ELOVL6: variants seen among roughly 807,000 people sequenced by gnomAD.
The protein encoded by ELOVL6 is ELOVL fatty acid elongase 6.
Under a neutral mutation model 31.7 loss-of-function variants are expected in ELOVL6, and 8 were observed. That is an observed-to-expected ratio of 0.25 (90% confidence interval 0.15 to 0.45). ELOVL6 has a LOEUF of 0.45. Among genes scored for constraint, ELOVL6 ranks in the 20% least tolerant of loss-of-function variants. The probability of loss-of-function intolerance (pLI) is 1.00; values close to 1 mark genes in which losing one functional copy is unlikely to be tolerated. For synonymous variants in ELOVL6, 101 were observed against 117.7 expected, an observed-to-expected ratio of 0.86 and a Z score of 0.92; for missense variants, 126 against 326.4, an observed-to-expected ratio of 0.39 and a Z score of 4.73.
At chr4:110,067,249 T>A (rs932772916) in intron 2 of ELOVL6, among the ~76,000 whole-genome samples, 6 of 152,230 alleles carry the variant, frequency 3.9e-5, no homozygotes, top group African/African-American at 1.4e-4. Context: ...TTTATCTTGC[T>A]TGAAATCTTA....
chr4:110,084,589 T>TATATATATATATATA (rs1491219333), intron 2 of ELOVL6, among the ~76,000 whole-genome samples: 1 of 25,662 alleles, frequency 3.9e-5, no homozygotes, highest in African/African-American at 2.5e-4. Flanking sequence ...TATATATATA[T>TATATATATATATATA]TTTTTTTTTT....
At chr4:110,081,148 G>A (rs1391012806) in intron 2 of ELOVL6, among the ~76,000 whole-genome samples, 9 of 151,818 alleles carry the variant, frequency 5.9e-5, no homozygotes, top group Non-Finnish European at 1.0e-4. Flanking sequence ...AATCAATATC[G>A]TGAAAATGGC....
chr4:110,179,362 T>A (rs1038836304), intron 1 of ELOVL6, among the ~76,000 whole-genome samples: 1 of 151,718 alleles, frequency 6.6e-6, no homozygotes, highest in Admixed American at 6.6e-5. Context: ...AAAAATTAGC[T>A]GGGTGTGGTG....
In ELOVL6 at chr4:110,050,936, C is replaced by G. The variant is rs2126218454; in HGVS notation, c.*402G>C. ...GAAAGGATTGTGTGTGTTGTGCTCG[C>G]ACAGTTTCTAGAGTAAAAATCTTTC... On this transcript the variant is annotated 3_prime_UTR_variant, in exon 4 of 4. Coordinates refer to ENST00000302274, the MANE Select transcript of ELOVL6 (RefSeq NM_024090.3). 1 of 197,460 alleles carries G rather than the reference C, an allele frequency of 5.1e-6. No homozygotes were observed. The highest frequency in any genetic ancestry group is 1.3e-4 in the East Asian group (1 of 7,520). The allele number at this position is 197,460 out of a possible 1,614,324, so 12.2% of individuals were successfully genotyped here.
At chr4:110,141,775 C>T (rs1757966798) in intron 1 of ELOVL6, among the ~76,000 whole-genome samples, 2 of 141,058 alleles carry the variant, frequency 1.4e-5, no homozygotes, top group Non-Finnish European at 3.0e-5. Flanking sequence ...TATATATATA[C>T]AGTATATATG....
chr4:110,165,169 A>G (rs1190455042), intron 1 of ELOVL6, among the ~76,000 whole-genome samples: 1 of 152,202 alleles, frequency 6.6e-6, no homozygotes, highest in Non-Finnish European at 1.5e-5. Flanking sequence ...AAAACAGACC[A>G]TTTGCTAGAT....
At chr4:110,137,194 T>C (rs1289609730) in intron 1 of ELOVL6, among the ~76,000 whole-genome samples, 1 of 152,184 alleles carries the variant, frequency 6.6e-6, no homozygotes, top group African/African-American at 2.4e-5. Context: ...AAAGGAAATT[T>C]TAGTTCCTTC....
intron 2 of ELOVL6, among the ~76,000 whole-genome samples, chr4:110,062,335 G>T (rs138450088): frequency 6.6e-6 from 1 of 152,304 alleles, no homozygotes; most frequent in Non-Finnish European, 1.5e-5. Context: ...GAGGACAGTA[G>T]CACTTTTCAG....
chr4:110,100,280 G>A (rs372410459), intron 2 of ELOVL6, among the ~76,000 whole-genome samples: 1 of 152,106 alleles, frequency 6.6e-6, no homozygotes, highest in African/African-American at 2.4e-5. Context: ...TAGGCCTAAG[G>A]AAAACTCAAC....
At chr4:110,117,903 A>AATATATATATATATATATATATATATAT (rs1194332428) in intron 1 of ELOVL6, 1 of 6,498 alleles carries the variant, frequency 1.5e-4, no homozygotes, top group Non-Finnish European at 3.7e-4. Flanking sequence ...AAAAAAAAAA[A>AATATATATATATATATATATATATATAT]ATATATATAT....
chr4:110,089,939 T>C (rs895690906), intron 2 of ELOVL6, among the ~76,000 whole-genome samples: 2 of 152,210 alleles, frequency 1.3e-5, no homozygotes, highest in South Asian at 2.1e-4. Flanking sequence ...AGCAGATAAC[T>C]GTGTTGGAGC....
At position 110,198,491 on chromosome 4, in the gene ELOVL6, C is replaced by T. The variant is rs1276719036; in HGVS notation, c.-156G>A. 2 of 598,174 alleles carry T rather than the reference C, an allele frequency of 3.3e-6. No individual in the cohort carries two copies. The highest frequency in any genetic ancestry group is 1.9e-5 in the African/African-American group (1 of 53,150). The allele number at this position is 598,174 out of a possible 1,614,324, so 37.1% of individuals were successfully genotyped here. ...CTCCAGCGGTCGTCTCTTCTCCCAG[C>T]CTCTCAGCTACATCCAGGGCTGAGC... On this transcript the variant is annotated 5_prime_UTR_variant, in exon 1 of 4. Coordinates refer to ENST00000302274, the MANE Select transcript of ELOVL6 (RefSeq NM_024090.3).
At chr4:110,184,488 T>A (rs1373749674) in intron 1 of ELOVL6, among the ~76,000 whole-genome samples, 1 of 152,108 alleles carries the variant, frequency 6.6e-6, no homozygotes, top group South Asian at 2.1e-4. Flanking sequence ...GAGGTAACAT[T>A]AAGAAGGGAA....
At chr4:110,085,388 G>T (rs1756229828) in intron 2 of ELOVL6, among the ~76,000 whole-genome samples, 1 of 152,210 alleles carries the variant, frequency 6.6e-6, no homozygotes, top group Admixed American at 6.5e-5. Flanking sequence ...CCAGTTAATA[G>T]TCCACAGTGC....
chr4:110,193,089 T>C (rs907201909), intron 1 of ELOVL6, among the ~76,000 whole-genome samples: 8 of 152,208 alleles, frequency 5.3e-5, no homozygotes, highest in African/African-American at 1.9e-4. Flanking sequence ...CAGGAAGCAA[T>C]TCAAAGCAAT....
At chr4:110,153,841 C>T (rs566021913) in intron 1 of ELOVL6, among the ~76,000 whole-genome samples, 4 of 152,276 alleles carry the variant, frequency 2.6e-5, no homozygotes, top group Admixed American at 2.0e-4. Context: ...GAATAATGGG[C>T]TATTTCTTAC....
chr4:110,122,513 A>G (rs1382841432), intron 1 of ELOVL6, among the ~76,000 whole-genome samples: 1 of 152,092 alleles, frequency 6.6e-6, no homozygotes, highest in Non-Finnish European at 1.5e-5. Flanking sequence ...AGTAGCTGGG[A>G]CTACAGGTGC....
chr4:110,057,854 G>GAAA (rs1248115566), intron 3 of ELOVL6, among the ~76,000 whole-genome samples: 2 of 131,718 alleles, frequency 1.5e-5, no homozygotes, highest in African/African-American at 2.7e-5. Flanking sequence ...CTGTCTCAGG[G>GAAA]AAAAAAAAAA....
chr4:110,119,811 T>C (rs749628523), intron 1 of ELOVL6, among the ~76,000 whole-genome samples: 3 of 152,222 alleles, frequency 2.0e-5, no homozygotes, highest in Non-Finnish European at 4.4e-5. Context: ...CATTTCTTCA[T>C]AAAGTGAAAG....
Sources: gnomAD v4.1 joint callset for allele counts (sites outside exome capture counted in the v4.1 genomes callset) on GRCh38, gnomAD v4.1.1 for gene constraint, MANE v1.5 for transcripts, NCBI Gene and HGNC (gene_info 2026-07-23, HGNC 2026-07-21) for gene names.